ZYG11B: variants seen among roughly 807,000 people sequenced by gnomAD.
ZYG11B encodes the protein zyg-11 family member B, cell cycle regulator, also known as protein zyg-11 homolog B.
Under a neutral mutation model 82.4 loss-of-function variants are expected in ZYG11B, and 36 were observed. The ratio of observed to expected loss-of-function variants is 0.44; its 90% confidence interval spans 0.33 to 0.58. ZYG11B has a LOEUF of 0.58. ZYG11B is among the 20% of genes least tolerant of loss of function. The pLI is 0.02. For synonymous variants in ZYG11B, 303 were observed against 312.8 expected (o/e 0.97, Z 0.33); for missense variants, 552 against 895.6 (o/e 0.62, Z 4.90).
chr1:52,787,796 A>G (rs1558133967), intron 5 of ZYG11B, among the ~76,000 whole-genome samples: 3 of 99,500 alleles, frequency 3.0e-5, no homozygotes, highest in Non-Finnish European at 5.5e-5. Flanking sequence ...AAACAACTCA[A>G]TTAAAAAAAA....
intron 8 of ZYG11B, among the ~76,000 whole-genome samples, chr1:52,797,519 T>TA (rs1558137953): frequency 8.8e-5 from 12 of 136,440 alleles, no homozygotes; most frequent in African/African-American, 2.8e-4. Context: ...ATATATATAT[T>TA]TTTTTTTAGA....
chr1:52,779,820 G>A (rs745429138), intron 3 of ZYG11B, 33 bp from the exon 4 acceptor site: 1 of 1,609,968 alleles, frequency 6.2e-7, no homozygotes, highest in South Asian at 1.1e-5. Flanking sequence ...GAAAGAGAGA[G>A]AATTCTAAAA....
At chr1:52,785,250 G>T (rs943721431) in intron 5 of ZYG11B, among the ~76,000 whole-genome samples, 197 bp downstream of exon 5, 2 of 152,090 alleles carry the variant, frequency 1.3e-5, no homozygotes, top group Non-Finnish European at 2.9e-5. Context: ...ATATATTGGG[G>T]GACATAATAC....
intron 1 of ZYG11B, among the ~76,000 whole-genome samples, chr1:52,727,192 G>A (rs1460748169): frequency 6.6e-6 from 1 of 151,408 alleles, no homozygotes; most frequent in African/African-American, 2.4e-5. Context: ...CTTATCGGAT[G>A]TCCTCGCTCG....
intron 3 of ZYG11B, among the ~76,000 whole-genome samples, chr1:52,773,683 C>T (rs1435020587): frequency 1.0e-4 from 11 of 108,462 alleles, no homozygotes; most frequent in Non-Finnish European, 1.5e-4. Context: ...CGCTCTGTCG[C>T]CCAGGCAGGA....
At chr1:52,782,075 T>C (rs1644861831) in intron 4 of ZYG11B, among the ~76,000 whole-genome samples, 1 of 152,002 alleles carries the variant, frequency 6.6e-6, no homozygotes, top group South Asian at 2.1e-4. Flanking sequence ...ATTTATTTGT[T>C]TATTTATTGA....
intron 1 of ZYG11B, among the ~76,000 whole-genome samples, chr1:52,746,902 G>A (rs1284082541): frequency 6.7e-6 from 1 of 148,712 alleles, no homozygotes; most frequent in East Asian, 2.0e-4. Flanking sequence ...GGCGGGTAAG[G>A]TCTTTACTCC....
intron 2 of ZYG11B, among the ~76,000 whole-genome samples, chr1:52,758,928 ATATTAT>A (rs572885491): frequency 2.3e-4 from 35 of 151,802 alleles, no homozygotes; most frequent in African/African-American, 7.7e-4. Flanking sequence ...TATGCTCAGT[ATATTAT>A]TATTATTATT....
Position 52,801,815 on chromosome 1 carries a change from T to TC in ZYG11B, c.1486-3dup. 1.3e-6 allele frequency: 2 copies of TC among 1,573,478 alleles called. No homozygotes were observed. Among genetic ancestry groups the TC allele is most frequent in the South Asian group, 1.2e-5 (1 of 84,426 alleles). ...AAACTTATTTCTGTTTTTTTTTTTT[T>TC]CAGCAACTTCTTCAAATAGTGAAGC... On this transcript the variant is annotated splice_region_variant and splice_polypyrimidine_tract_variant and intron_variant, in intron 8 of 13. Coordinates refer to ENST00000294353, the MANE Select transcript of ZYG11B (RefSeq NM_024646.3).
chr1:52,802,082 C>G lies in ZYG11B; in HGVS notation c.1648-10C>G. 6.2e-7 allele frequency: 1 copy of G among 1,601,516 alleles called. No individual in the cohort carries two copies. Among genetic ancestry groups the G allele is most frequent in the Non-Finnish European group, 8.5e-7 (1 of 1,176,618 alleles). Reference sequence around the variant, plus strand: ...TTCAGGTAATTATAGGTTTCTTTTTCTTTTTACAGTCTTTCCCAACTGAGT... The same window carrying G: ...TTCAGGTAATTATAGGTTTCTTTTTGTTTTTACAGTCTTTCCCAACTGAGT... On this transcript the variant is annotated splice_polypyrimidine_tract_variant and intron_variant, in intron 9 of 13. Transcript: ENST00000294353.
intron 3 of ZYG11B, among the ~76,000 whole-genome samples, chr1:52,774,132 A>G (rs1219515110): frequency 8.7e-6 from 1 of 115,426 alleles, no homozygotes; most frequent in African/African-American, 3.6e-5. Context: ...ACTGTTTTAC[A>G]ATAACTTTTT....
At chr1:52,819,622 C>G (rs1645265086) in intron 13 of ZYG11B, among the ~76,000 whole-genome samples, 1 of 151,732 alleles carries the variant, frequency 6.6e-6, no homozygotes, top group African/African-American at 2.4e-5. Flanking sequence ...CCCATCTCTA[C>G]TAAAAATACA....
rs34416689 is a variant in ZYG11B, at chr1:52,754,959, C to CTT, written c.31-1483_31-1482dup. Among the ~76,000 whole-genome samples, 977 of 126,650 alleles carry CTT rather than the reference C, an allele frequency of 7.7e-3. 31 individuals carry two copies. Among genetic ancestry groups the CTT allele is most frequent in the African/African-American group, 0.023 (774 of 33,340 alleles). 83.1% of individuals were successfully genotyped at this position (126,650 alleles called of 152,430 possible). ...AGCATCATTTGTTGAAAAGCCTATTCTTTTTTTTTTTTTTTTTGAGACGGA... is the reference window on the plus strand; with the variant it reads ...AGCATCATTTGTTGAAAAGCCTATTCTTTTTTTTTTTTTTTTTTTGAGACGGA... On this transcript the variant is annotated intron_variant, in intron 1 of 13. Coordinates refer to ENST00000294353, the MANE Select transcript of ZYG11B (RefSeq NM_024646.3).
chr1:52,772,674 G>T (rs1004518634), intron 3 of ZYG11B: 39 of 770,464 alleles, frequency 5.1e-5, no homozygotes, highest in Non-Finnish European at 7.4e-5. Context: ...GCAACGAAAG[G>T]CTTGTTTTTT....
intron 5 of ZYG11B, among the ~76,000 whole-genome samples, chr1:52,786,643 A>G (rs1361755645): frequency 1.3e-5 from 2 of 152,120 alleles, no homozygotes; most frequent in Admixed American, 6.6e-5. Flanking sequence ...CCAACTACTC[A>G]GGAGCCTAAA....
intron 4 of ZYG11B, among the ~76,000 whole-genome samples, chr1:52,782,051 C>CTATT (rs914575808): frequency 4.0e-5 from 6 of 151,694 alleles, no homozygotes; most frequent in African/African-American, 7.3e-5. Context: ...AGAATATAGG[C>CTATT]TATTTATTTA....
intron 12 of ZYG11B, among the ~76,000 whole-genome samples, chr1:52,814,366 A>G (rs1021631298): frequency 6.6e-6 from 1 of 152,178 alleles, no homozygotes; most frequent in Non-Finnish European, 1.5e-5. Context: ...ACTTTTTTCT[A>G]CCACCTATCA....
chr1:52,745,285 C>T (rs1480484872), intron 1 of ZYG11B, among the ~76,000 whole-genome samples: 1 of 152,054 alleles, frequency 6.6e-6, no homozygotes, highest in African/African-American at 2.4e-5. Context: ...CAATAAAAAC[C>T]GGAGTGGGGG....
At chr1:52,815,134 G>A (rs1049594772) in intron 12 of ZYG11B, among the ~76,000 whole-genome samples, 1 of 151,888 alleles carries the variant, frequency 6.6e-6, no homozygotes, top group African/African-American at 2.4e-5. Flanking sequence ...CTGCAGCCTG[G>A]GTGACAGAAT....
Sources: allele counts gnomAD v4.1 joint callset (sites outside exome capture counted in the v4.1 genomes callset), GRCh38; gene constraint gnomAD v4.1.1; transcripts MANE v1.5; gene names NCBI Gene and HGNC (gene_info 2026-07-23, HGNC 2026-07-21).